The following SORCS1 variants were observed in gnomAD, a reference collection of about 807,000 sequenced individuals.
SORCS1 encodes sortilin related VPS10 domain containing receptor 1.
In SORCS1, 60 loss-of-function variants were observed where a neutral mutation model predicts 146.1. The observed-to-expected ratio is 0.41, with a 90% CI of 0.33 to 0.51. SORCS1 has a LOEUF of 0.51. Among genes scored for constraint, SORCS1 ranks in the 20% least tolerant of loss-of-function variants. SORCS1 has a pLI of 0.21. For synonymous variants in SORCS1, 637 were observed against 584.0 expected (o/e 1.09, Z -1.31); for missense variants, 1,352 against 1,487.6 (o/e 0.91, Z 1.50).
intron 2 of SORCS1, among the ~76,000 whole-genome samples, chr10:106,865,732 A>G (rs1950202002): frequency 6.6e-6 from 1 of 151,446 alleles, no homozygotes; most frequent in Non-Finnish European, 1.5e-5. Context: ...TCAAAAAAAT[A>G]AATAAAATAA....
chr10:107,038,673 CA>C (rs1283527983), intron 1 of SORCS1, among the ~76,000 whole-genome samples: 56 of 125,152 alleles, frequency 4.5e-4, no homozygotes, highest in African/African-American at 1.6e-3. Flanking sequence ...AGACACTGCC[CA>C]CCCCCAACCC....
intron 1 of SORCS1, among the ~76,000 whole-genome samples, chr10:107,000,751 T>G (rs1463564088): frequency 6.6e-6 from 1 of 152,166 alleles, no homozygotes; most frequent in Non-Finnish European, 1.5e-5. Flanking sequence ...ATAAGTGATA[T>G]TCATATATCT....
intron 6 of SORCS1, among the ~76,000 whole-genome samples, chr10:106,719,652 C>A (rs1298100633): frequency 2.0e-5 from 3 of 152,092 alleles, no homozygotes; most frequent in Non-Finnish European, 4.4e-5. Context: ...ATGTTGTGAT[C>A]CACCTGCCTC....
chr10:106,919,062 C>T (rs1174897842), intron 2 of SORCS1, among the ~76,000 whole-genome samples: 1 of 152,090 alleles, frequency 6.6e-6, no homozygotes, highest in Non-Finnish European at 1.5e-5. Flanking sequence ...GCCTTGAAAT[C>T]CTGGTCTCAA....
chr10:106,685,918 T>C (rs1852795400), intron 10 of SORCS1, among the ~76,000 whole-genome samples: 1 of 152,158 alleles, frequency 6.6e-6, no homozygotes, highest in South Asian at 2.1e-4. Flanking sequence ...ATAAAGTGGA[T>C]CATTGGTTGT....
rs1468571298 is a variant in SORCS1 at position 106,800,512 on chromosome 10, TC to T, written c.727-23821del. Among the ~76,000 whole-genome samples the T allele has an allele frequency of 2.5e-3, 337 of 132,718 alleles. 2 individuals carry two copies. Among genetic ancestry groups the T allele is most frequent in the Admixed American group, 0.01 (133 of 13,024 alleles). The allele number at this position is 132,718 out of a possible 152,430, so 87.1% of individuals were successfully genotyped here. On this transcript the variant is annotated intron_variant, in intron 3 of 25. Coordinates refer to ENST00000263054, the MANE Select transcript of SORCS1 (RefSeq NM_052918.5). Reference sequence around the variant, plus strand: ...AAAAGATACATAGGTTCTAGGTGAATCTTTTTTTTTTTTTTTTTTTTTTTTT... The same window carrying T: ...AAAAGATACATAGGTTCTAGGTGAATTTTTTTTTTTTTTTTTTTTTTTTTT...
chr10:106,801,327 G>A (rs1946859137), intron 3 of SORCS1, among the ~76,000 whole-genome samples: 1 of 151,986 alleles, frequency 6.6e-6, no homozygotes, highest in South Asian at 2.1e-4. Context: ...GTATGGTTTG[G>A]GGAATTAAGA....
At chr10:106,915,110 A>T (rs974679351) in intron 2 of SORCS1, among the ~76,000 whole-genome samples, 3 of 152,206 alleles carry the variant, frequency 2.0e-5, no homozygotes, top group African/African-American at 7.2e-5. Context: ...AACTATGCTT[A>T]AGTGTCTCAA....
rs139275743 is a variant in SORCS1 at position 106,666,169 on chromosome 10, A to G, written c.2303+1520T>C. 1.7e-4 allele frequency among the ~76,000 whole-genome samples: 26 copies of G among 152,242 alleles called. No homozygotes were observed. The East Asian group carries it at 4.6e-3, about 27-fold the overall frequency. ...CTATGTATTTTTAAATGAGATTAACATTTAAGTCAGTAGACTGAGTAAAGC... is the reference window on the plus strand; with the variant it reads ...CTATGTATTTTTAAATGAGATTAACGTTTAAGTCAGTAGACTGAGTAAAGC... On this transcript the variant is annotated intron_variant, in intron 17 of 25. Transcript: ENST00000263054.
rs3044946 is a variant in SORCS1 at position 106,707,189 on chromosome 10, ATTT to A, written c.1144-558_1144-556del. Among the ~76,000 whole-genome samples the A allele has an allele frequency of 3.2e-3, 459 of 145,030 alleles. 2 individuals are homozygous for A. The highest frequency in any genetic ancestry group is 4.5e-3 in the East Asian group (22 of 4,886). Reference sequence around the variant, plus strand: ...ATCTAGGTCTCTTCTATTTAATTTAATTTTTTTTTTTTTTTTGAGATGAAGTTT... The same window carrying A: ...ATCTAGGTCTCTTCTATTTAATTTAATTTTTTTTTTTTTGAGATGAAGTTT... On this transcript the variant is annotated intron_variant, in intron 7 of 25. Transcript: ENST00000263054.
At chr10:106,834,376 T>C (rs751692503) in intron 2 of SORCS1, among the ~76,000 whole-genome samples, 3 of 152,248 alleles carry the variant, frequency 2.0e-5, no homozygotes, top group African/African-American at 4.8e-5. Flanking sequence ...AATGTTCCTT[T>C]ACTTCATAAC....
the SORCS1 span, among the ~76,000 whole-genome samples, chr10:107,181,063 C>A: frequency 6.6e-6 from 1 of 152,262 alleles, no homozygotes; most frequent in South Asian, 2.1e-4. Context: ...AGGGCACTTA[C>A]CATGAATGAA....
intron 2 of SORCS1, among the ~76,000 whole-genome samples, chr10:106,889,479 C>T (rs981737462): frequency 6.6e-5 from 10 of 152,136 alleles, no homozygotes; most frequent in Non-Finnish European, 1.5e-4. Context: ...AAAAGCACTT[C>T]CCGGCCAGGC....
intron 1 of SORCS1, among the ~76,000 whole-genome samples, chr10:107,027,704 T>C (rs1958471406): frequency 2.0e-5 from 3 of 152,194 alleles, no homozygotes; most frequent in Non-Finnish European, 4.4e-5. Flanking sequence ...GTTTCAGTCA[T>C]CAGCTGCTGC....
intron 2 of SORCS1, among the ~76,000 whole-genome samples, chr10:106,905,806 T>C (rs926690401): frequency 6.6e-6 from 1 of 152,242 alleles, no homozygotes; most frequent in Non-Finnish European, 1.5e-5. Context: ...GAATGATAAA[T>C]GTTATCGCAT....
chr10:107,072,994 G>T (rs1194121694), intron 1 of SORCS1, among the ~76,000 whole-genome samples: 1 of 152,160 alleles, frequency 6.6e-6, no homozygotes, highest in South Asian at 2.1e-4. Context: ...AGAGTTCACT[G>T]GGCTAGGAAA....
intron 2 of SORCS1, among the ~76,000 whole-genome samples, chr10:106,886,086 A>T (rs1480105161): frequency 6.6e-6 from 1 of 151,928 alleles, no homozygotes; most frequent in East Asian, 1.9e-4. Flanking sequence ...ACATGGTGAA[A>T]CCCCATTTCT....
chr10:107,065,393 G>A (rs1961652607), intron 1 of SORCS1, among the ~76,000 whole-genome samples: 1 of 114,120 alleles, frequency 8.8e-6, no homozygotes, highest in Non-Finnish European at 1.8e-5. Flanking sequence ...ATATTATGCT[G>A]AACATTTTCT....
chr10:106,800,355 G>C (rs1397400360), intron 3 of SORCS1, among the ~76,000 whole-genome samples: 2 of 151,976 alleles, frequency 1.3e-5, no homozygotes, highest in African/African-American at 4.8e-5. Context: ...ATGACTGTAA[G>C]ACTTCCTAAA....
Sources: gnomAD v4.1 joint callset for allele counts (sites outside exome capture counted in the v4.1 genomes callset) on GRCh38, gnomAD v4.1.1 for gene constraint, MANE v1.5 for transcripts, NCBI Gene and HGNC (gene_info 2026-07-23, HGNC 2026-07-21) for gene names.